ARMCX4: variants seen among roughly 807,000 people sequenced by gnomAD.
ARMCX4 encodes armadillo repeat-containing X-linked protein 4.
Under a neutral mutation model 34.7 loss-of-function variants are expected in ARMCX4, and 3 were observed. The observed-to-expected ratio is 0.09, with a 90% CI of 0.04 to 0.22. The LOEUF is 0.22. ARMCX4 is among the 10% of genes least tolerant of loss of function. The pLI, the probability that ARMCX4 is intolerant of heterozygous loss-of-function variation, is 1.00. For missense variants in ARMCX4, 1,448 were observed against 1,720.8 expected, an observed-to-expected ratio of 0.84 and a Z score of 2.81; for synonymous variants, 513 against 632.8, an observed-to-expected ratio of 0.81 and a Z score of 2.84.
At chrX:101,437,171 G>A (rs1169138483) in intron 2 of ARMCX4, among the ~76,000 whole-genome samples, 2 of 111,900 alleles carry the variant, frequency 1.8e-5, no homozygotes, top group Non-Finnish European at 3.8e-5. Context: ...AAATGAGTTA[G>A]GGAGGATTCC....
upstream of ARMCX4, among the ~76,000 whole-genome samples, chrX:101,483,135 C>T (rs1368059738): frequency 2.7e-5 from 3 of 109,355 alleles, no homozygotes; most frequent in Non-Finnish European, 5.7e-5. Flanking sequence ...ACCTCGTGAT[C>T]CACCTGCTTC....
chrX:101,490,854 T>A lies in ARMCX4; in HGVS notation c.2265T>A (p.Asn755Lys). 1 of 1,110,256 alleles carries A rather than the reference T, an allele frequency of 9.0e-7. No individual in the cohort carries two copies. Among genetic ancestry groups the A allele is most frequent in the Non-Finnish European group, 1.2e-6 (1 of 843,473 alleles). The allele number at this position is 1,110,256 out of a possible 1,213,427, so 91.5% of individuals were successfully genotyped here. Residue 755 changes from asparagine (N) to lysine (K), a missense_variant, in exon 6 of 6, where the codon AAT (asparagine) becomes AAA (lysine). Coordinates refer to ENST00000423738, the MANE Select transcript of ARMCX4 (RefSeq NM_001256155.3). ...CTGCCCGGCTCCAGGCTGTGGCCAA[T>A]TCTCAGGGTGAGGTCTTGCCTGGTG... ...TDSARLQAVA[N>K]SQGEVLPGAK...
At chrX:101,474,609 C>A (rs1428695110) in intron 4 of ARMCX4, among the ~76,000 whole-genome samples, 1 of 105,046 alleles carries the variant, frequency 9.5e-6, no homozygotes, top group African/African-American at 3.5e-5. Flanking sequence ...AGCTTATCCA[C>A]CATGATCAAG....
At chrX:101,458,509 T>TCC (rs782097838) in intron 4 of ARMCX4, among the ~76,000 whole-genome samples, 21 of 103,804 alleles carry the variant, frequency 2.0e-4, no homozygotes, top group African/African-American at 6.5e-4. Flanking sequence ...TAATTCAATA[T>TCC]CCCCCCCCTT....
chrX:101,489,067 A>G lies in ARMCX4; in HGVS notation c.478A>G (p.Lys160Glu), dbSNP rs1933867201. ...QTDAEAGKIV[K>E]KEAVTQTKAK... ...TGATGCTGAGGCTGGCAAAATAGTTAAGAAAGAAGCAGTGACACAGACCAA... is the reference window on the plus strand; with the variant it reads ...TGATGCTGAGGCTGGCAAAATAGTTGAGAAAGAAGCAGTGACACAGACCAA... Residue 160 changes from lysine to glutamate, a missense_variant, in exon 6 of 6, where the codon AAG becomes GAG. Physicochemically the swap from Lys to Glu is moderately conservative, Grantham distance 56. Coordinates refer to ENST00000423738, the MANE Select transcript of ARMCX4 (RefSeq NM_001256155.3). 1.7e-6 allele frequency: 2 copies of G among 1,155,052 alleles called. No homozygotes were observed. Among genetic ancestry groups the G allele is most frequent in the Non-Finnish European group, 2.3e-6 (2 of 872,955 alleles).
intron 4 of ARMCX4, among the ~76,000 whole-genome samples, chrX:101,464,681 G>A (rs189134118): frequency 8.9e-6 from 1 of 111,889 alleles, no homozygotes; most frequent in African/African-American, 3.2e-5. Flanking sequence ...GATTTCTAGA[G>A]CTCAGGATAT....
At position 101,490,107 on chromosome X, in the gene ARMCX4, G is replaced by A. The variant is rs2147667841; in HGVS notation, c.1518G>A (p.Val506=). 1 of 1,154,315 alleles carries A rather than the reference G, an allele frequency of 8.7e-7. No homozygotes were observed. Among genetic ancestry groups the A allele is most frequent in the Non-Finnish European group, 1.1e-6 (1 of 872,602 alleles). Residue 506 remains valine, a synonymous_variant, in exon 6 of 6, where the codon GTG becomes GTA. Coordinates refer to ENST00000423738, the MANE Select transcript of ARMCX4 (RefSeq NM_001256155.3). ...VNTMPKEGAG[V]DMKAQGMAQS... ...CCATGCCTAAGGAAGGAGCTGGGGT[G>A]GATATGAAGGCTCAAGGTATGGCCC...
chrX:101,486,346 ATAT>A (rs1162818481), intron 2 of ARMCX4, among the ~76,000 whole-genome samples: 9 of 110,874 alleles, frequency 8.1e-5, no homozygotes, highest in East Asian at 2.8e-4. Context: ...ATATTAAAGA[ATAT>A]TATTATTATT....
downstream of ARMCX4, among the ~76,000 whole-genome samples, chrX:101,496,801 G>A (rs1409598318): frequency 1.8e-5 from 2 of 111,414 alleles, no homozygotes; most frequent in African/African-American, 6.5e-5. Flanking sequence ...GCTGGTGGGA[G>A]TATACACTGG....
At chrX:101,527,816 C>T (rs1935014024) in intron 11 of ARMCX4, among the ~76,000 whole-genome samples, 1 of 111,374 alleles carries the variant, frequency 9.0e-6, no homozygotes, top group South Asian at 3.8e-4. Context: ...CAAAAACAGG[C>T]TCTGAAATTG....
At chrX:101,532,651 T>A (rs972538760) in intron 12 of ARMCX4, 1 of 110,968 alleles carries the variant, frequency 9.0e-6, no homozygotes, top group African/African-American at 3.3e-5. Flanking sequence ...AAGATTAGGG[T>A]CACTACATCA....
At chrX:101,516,170 A>G (rs1372901970) in intron 11 of ARMCX4, among the ~76,000 whole-genome samples, 2 of 111,604 alleles carry the variant, frequency 1.8e-5, no homozygotes, top group Non-Finnish European at 3.8e-5. Flanking sequence ...TTATTTGCAA[A>G]ATCAGAAAGC....
intron 4 of ARMCX4, among the ~76,000 whole-genome samples, chrX:101,470,746 A>G (rs1603183724): frequency 8.9e-6 from 1 of 112,227 alleles, no homozygotes; most frequent in African/African-American, 3.2e-5. Context: ...ATTGTTTCTG[A>G]GTTTCAGCTA....
intron 7 of ARMCX4, among the ~76,000 whole-genome samples, chrX:101,502,014 G>A (rs1556013767): frequency 8.9e-6 from 1 of 112,385 alleles, no homozygotes; most frequent in African/African-American, 3.2e-5. Context: ...GCCCCTATGG[G>A]GAAATCGCAA....
intron 4 of ARMCX4, among the ~76,000 whole-genome samples, chrX:101,455,821 C>T (rs1026312021): frequency 6.3e-5 from 7 of 110,852 alleles, no homozygotes; most frequent in African/African-American, 2.0e-4. Flanking sequence ...CTCCAGCCTC[C>T]CGTCTAGTAT....
upstream of ARMCX4, among the ~76,000 whole-genome samples, chrX:101,483,188 C>T (rs982319414): frequency 5.5e-5 from 6 of 109,572 alleles, no homozygotes; most frequent in African/African-American, 2.0e-4. Context: ...GCCACCGTGC[C>T]CGGCTGCGTC....
At chrX:101,529,373 A>G (rs781933991) in intron 11 of ARMCX4, among the ~76,000 whole-genome samples, 1 of 108,443 alleles carries the variant, frequency 9.2e-6, no homozygotes, top group South Asian at 3.9e-4. Flanking sequence ...CTAAAACCAT[A>G]AAAACCCTAG....
chrX:101,433,718 G>A (rs192140549), intron 2 of ARMCX4, among the ~76,000 whole-genome samples: 226 of 111,172 alleles, frequency 2.0e-3, no homozygotes, highest in African/African-American at 7.2e-3. Context: ...GTGTGGAGAA[G>A]TATCGATTGA....
At chrX:101,514,719 G>T (rs1934668868) in intron 11 of ARMCX4, among the ~76,000 whole-genome samples, 1 of 111,623 alleles carries the variant, frequency 9.0e-6, no homozygotes, top group African/African-American at 3.3e-5. Context: ...TGATGGTAGT[G>T]GTCCAACATA....
Sources: allele counts gnomAD v4.1 joint callset (sites outside exome capture counted in the v4.1 genomes callset), GRCh38; gene constraint gnomAD v4.1.1; transcripts MANE v1.5; gene names NCBI Gene and HGNC (gene_info 2026-07-23, HGNC 2026-07-21).